DOCK7: variants seen among roughly 807,000 people sequenced by gnomAD.
DOCK7 encodes dedicator of cytokinesis 7, also known as dedicator of cytokinesis protein 7.
DOCK7 carries 138 observed loss-of-function variants against 271.0 expected under a neutral mutation model. That is an observed-to-expected ratio of 0.51 (90% CI 0.44 to 0.59). DOCK7 has a LOEUF of 0.59. Among genes scored for constraint, DOCK7 ranks in the 20% least tolerant of loss-of-function variants. The pLI is 0.00. For synonymous variants in DOCK7, 823 were observed against 876.1 expected, an observed-to-expected ratio of 0.94 and a Z score of 1.07; for missense variants, 2,066 against 2,592.4, an observed-to-expected ratio of 0.80 and a Z score of 4.41.
intron 31 of DOCK7, among the ~76,000 whole-genome samples, chr1:62,526,777 T>A (rs1178081151): frequency 6.6e-6 from 1 of 152,192 alleles, no homozygotes; most frequent in Non-Finnish European, 1.5e-5. Flanking sequence ...ATACACGACA[T>A]GGATGAACCT....
chr1:62,504,850 A>C, intron 36 of DOCK7, 68 bp from the exon 37 acceptor site: 2 of 1,546,560 alleles, frequency 1.3e-6, no homozygotes, highest in East Asian at 4.6e-5. Flanking sequence ...TGTTAATATA[A>C]CCTGAACTGG....
chr1:62,620,006 A>T lies in DOCK7; in HGVS notation c.1426-13T>A, dbSNP rs773730684. ...AGCGGTCTCCTTCCTGATTTCAATA[A>T]TAGAGGAAAAAGTATTTGATAAAAC... On this transcript the variant is annotated splice_polypyrimidine_tract_variant and intron_variant, in intron 12 of 49. Coordinates refer to ENST00000635253, the MANE Select transcript of DOCK7 (RefSeq NM_001367561.1). The T allele has an allele frequency of 6.3e-7, 1 of 1,598,278 alleles. No homozygotes were observed. Among genetic ancestry groups the T allele is most frequent in the Non-Finnish European group, 8.6e-7 (1 of 1,167,838 alleles).
At chr1:62,503,003 C>T (rs1646830069) in intron 37 of DOCK7, among the ~76,000 whole-genome samples, 1 of 151,836 alleles carries the variant, frequency 6.6e-6, no homozygotes, top group Non-Finnish European at 1.5e-5. Context: ...AATCTTAATA[C>T]CATAAGAGAT....
chr1:62,562,591 A>G lies in DOCK7; in HGVS notation c.2113-888T>C, dbSNP rs1470119936. ...AAAAATAACTTTTAAAAGTACATAA[A>G]TTCTCTCTATTCCTCCTGCTAAGTA... is the stretch of plus-strand genomic sequence containing the variant. On this transcript the variant is annotated intron_variant, in intron 18 of 49. Transcript: ENST00000635253. Among the ~76,000 whole-genome samples, 4 of 152,148 alleles carry G rather than the reference A, an allele frequency of 2.6e-5. No homozygotes were observed. The South Asian group carries it at 8.3e-4, about 32-fold the overall frequency.
At chr1:62,625,098 T>C in intron 12 of DOCK7, 161 bp downstream of exon 12, 2 of 529,978 alleles carry the variant, frequency 3.8e-6, no homozygotes, top group Non-Finnish European at 6.3e-6. Flanking sequence ...ATATAAATCG[T>C]TTCTCATTCT....
chr1:62,548,507 G>A (rs546594556), intron 22 of DOCK7, among the ~76,000 whole-genome samples: 26 of 148,674 alleles, frequency 1.7e-4, no homozygotes, highest in African/African-American at 5.9e-4. Context: ...CACAACCTCC[G>A]CCTCCTGGGT....
At chr1:62,541,919 T>C (rs1300394825) in intron 25 of DOCK7, among the ~76,000 whole-genome samples, 1 of 152,198 alleles carries the variant, frequency 6.6e-6, no homozygotes, top group Non-Finnish European at 1.5e-5. Flanking sequence ...CTGTTATCCA[T>C]GCGGAGTGCA....
intron 18 of DOCK7, among the ~76,000 whole-genome samples, chr1:62,568,851 T>G (rs62312637): frequency 6.7e-6 from 1 of 150,002 alleles, no homozygotes; most frequent in Non-Finnish European, 1.5e-5. Context: ...CTAGCTAGAT[T>G]AATAAAGAAG....
In DOCK7 at chr1:62,578,916, G is replaced by A; in HGVS notation, c.1922C>T (p.Thr641Ile). 1 of 1,599,550 alleles carries A rather than the reference G, an allele frequency of 6.3e-7. No homozygotes were observed. The highest frequency in any genetic ancestry group is 8.5e-7 in the Non-Finnish European group (1 of 1,173,856). Residue 641 changes from threonine (T) to isoleucine (I), a missense_variant, in exon 17 of 50, where the codon ACT (threonine) becomes ATT (isoleucine). By Grantham distance (89) the Thr-to-Ile change is moderately conservative. Coordinates refer to ENST00000635253, the MANE Select transcript of DOCK7 (RefSeq NM_001367561.1). ...EIKVKLPATL[T>I]DHHHLLFTFY... The stretch of plus-strand genomic sequence containing the variant: ...AGTAAAAAGCAAGTGATGATGGTCA[G>A]TTAAAGTAGCAGGAAGCTTAACCTT...
chr1:62,559,046 GA>G lies in DOCK7; in HGVS notation c.2373del (p.Leu792CysfsTer2). The G allele has an allele frequency of 6.2e-7, 1 of 1,613,784 alleles. No individual in the cohort carries two copies. The highest frequency in any genetic ancestry group is 2.2e-5 in the East Asian group (1 of 44,860). Reference sequence around the variant, plus strand: ...ACTAAAAGTATCAGTTTATCTAGCAGAAGATGAAGAAATCGGACCACTGGTT... The same window carrying G: ...ACTAAAAGTATCAGTTTATCTAGCAGAGATGAAGAAATCGGACCACTGGTT... ...QLEPVVRFLHLLLDKLILLVI... is the reference protein window; with the variant it reads ...QLEPVVRFLHXLLDKLILLVI... On this transcript the variant is annotated frameshift_variant, in exon 20 of 50. Transcript: ENST00000635253. LOFTEE classifies it high-confidence loss of function.
At chr1:62,680,489 A>C (rs950009276) in intron 1 of DOCK7, among the ~76,000 whole-genome samples, 32 of 151,662 alleles carry the variant, frequency 2.1e-4, no homozygotes, top group Non-Finnish European at 3.7e-4. Context: ...CAAGGACTTC[A>C]TGTCTAAAAC....
intron 37 of DOCK7, among the ~76,000 whole-genome samples, chr1:62,501,637 T>C (rs1224269209): frequency 6.6e-6 from 1 of 152,090 alleles, no homozygotes; most frequent in Non-Finnish European, 1.5e-5. Flanking sequence ...TTCATTATTG[T>C]CCCCCTAATA....
intron 25 of DOCK7, among the ~76,000 whole-genome samples, chr1:62,541,138 CAGCTTTATAGAGGCTGAAGACGAA>C (rs1645516027): frequency 3.3e-5 from 1 of 29,980 alleles, no homozygotes; most frequent in Non-Finnish European, 1.3e-4. Flanking sequence ...TCAGTGATTT[CAGCTTTATAGAGGCTGAAGACGAA>C]GGTGAAGAAG....
rs145829350 is a variant in DOCK7, at chr1:62,625,333, T to A, written c.1351A>T (p.Thr451Ser). ...IVGRRSLERT[T>S]SGDDACNLTS... Reference sequence around the variant, plus strand: ...AAGTTACAAGCATCATCTCCACTTGTTGTCCTTTCAAGTGATCGTCTGCCA... The same window carrying A: ...AAGTTACAAGCATCATCTCCACTTGATGTCCTTTCAAGTGATCGTCTGCCA... The change falls in exon 12 of 50, where the codon ACA becomes TCA. Residue 451 changes from threonine (T) to serine (S), a missense_variant. Thr to Ser is a moderately conservative substitution (Grantham distance 58, BLOSUM62 1). Transcript: ENST00000635253. 2 of 1,613,850 alleles carry A rather than the reference T, an allele frequency of 1.2e-6. No homozygotes were observed. Among genetic ancestry groups the A allele is most frequent in the Non-Finnish European group, 1.7e-6 (2 of 1,179,814 alleles).
intron 1 of DOCK7, among the ~76,000 whole-genome samples, chr1:62,673,375 T>C (rs1193094372): frequency 6.6e-6 from 1 of 152,192 alleles, no homozygotes; most frequent in African/African-American, 2.4e-5. Flanking sequence ...GATGGCTCTA[T>C]CACTGTGATC....
At chr1:62,598,458 G>A (rs1386469770) in intron 14 of DOCK7, among the ~76,000 whole-genome samples, 1 of 151,736 alleles carries the variant, frequency 6.6e-6, no homozygotes, top group African/African-American at 2.4e-5. Context: ...AAATATGCTG[G>A]GCTTTTTCTT....
rs1168025 is a variant in DOCK7 at position 62,487,512 on chromosome 1, C to T, written c.5494-100G>A. On this transcript the variant is annotated intron_variant, in intron 42 of 49. Coordinates refer to ENST00000635253, the MANE Select transcript of DOCK7 (RefSeq NM_001367561.1). The stretch of plus-strand genomic sequence containing the variant: ...TATACCATAAATTCTTCTCCACAAA[C>T]AGAAGACAGCAGGATATTTTAAACA... 1,015,889 of 1,017,112 alleles carry T rather than the reference C, an allele frequency of 1. 507,343 individuals are homozygous for T. Among genetic ancestry groups the T allele is most frequent in the East Asian group, 1 (41,984 of 41,984 alleles). 63.0% of individuals were successfully genotyped at this position (1,017,112 alleles called of 1,614,324 possible).
intron 11 of DOCK7, chr1:62,629,212 A>G (rs1030717495): frequency 6.6e-6 from 1 of 152,218 alleles, no homozygotes; most frequent in Non-Finnish European, 1.5e-5. Flanking sequence ...CAGAATTATC[A>G]TATGACCCAG....
chr1:62,577,733 A>C (rs1646980635), intron 17 of DOCK7, among the ~76,000 whole-genome samples: 1 of 152,242 alleles, frequency 6.6e-6, no homozygotes, highest in African/African-American at 2.4e-5. Flanking sequence ...ATAGAAACAA[A>C]AAGTATGATC....
Sources: allele counts gnomAD v4.1 joint callset (sites outside exome capture counted in the v4.1 genomes callset), GRCh38; gene constraint gnomAD v4.1.1; transcripts MANE v1.5; gene names NCBI Gene and HGNC (gene_info 2026-07-23, HGNC 2026-07-21).